The following UBR1 variants were observed in gnomAD, a reference collection of about 807,000 sequenced individuals.
UBR1 encodes E3 ubiquitin-protein ligase UBR1.
A neutral mutation model predicts 242.1 loss-of-function variants in UBR1; 102 were observed. That is an observed-to-expected ratio of 0.42 (90% confidence interval 0.36 to 0.50). The LOEUF is 0.50. Ranked by LOEUF, UBR1 falls within the 20% of genes least tolerant of loss-of-function variation. The pLI, the probability that UBR1 is intolerant of heterozygous loss-of-function variation, is 0.01. For missense variants in UBR1, 1,772 were observed against 2,101.8 expected (o/e 0.84, Z 3.07); for synonymous variants, 675 against 684.8 (o/e 0.99, Z 0.22).
intron 33 of UBR1, among the ~76,000 whole-genome samples, chr15:42,997,566 C>T (rs2032658690): frequency 6.6e-6 from 1 of 152,128 alleles, no homozygotes; most frequent in Non-Finnish European, 1.5e-5. Flanking sequence ...AAGCACATCT[C>T]CATTAATAGC....
intron 2 of UBR1, among the ~76,000 whole-genome samples, chr15:43,084,744 G>A (rs925221774): frequency 6.6e-6 from 1 of 152,114 alleles, no homozygotes; most frequent in Admixed American, 6.5e-5. Context: ...TGACCACAGC[G>A]CCTGGCCAAG....
At chr15:43,007,563 CTT>C (rs66785883) in intron 29 of UBR1, among the ~76,000 whole-genome samples, 4 of 140,446 alleles carry the variant, frequency 2.8e-5, no homozygotes, top group Admixed American at 7.2e-5. Context: ...ATAAGCTGGG[CTT>C]TTTTTTTTTT....
chr15:43,056,352 G>A lies in UBR1; in HGVS notation c.1273C>T (p.Pro425Ser). 6.2e-7 allele frequency: 1 copy of A among 1,607,198 alleles called. No homozygotes were observed. The highest frequency in any genetic ancestry group is 8.5e-7 in the Non-Finnish European group (1 of 1,173,818). Residue 425 changes from proline (P) to serine (S), a missense_variant, in exon 11 of 47, where the codon CCT becomes TCT. By Grantham distance (74) the Pro-to-Ser change is moderately conservative. Coordinates refer to ENST00000290650, the MANE Select transcript of UBR1 (RefSeq NM_174916.3). The part of the protein sequence containing the change: ...TALSVQMFTV[P>S]TLARHLIEEQ... ...GAATAATCAATACATACCAGAGTAG[G>A]AACAGTAAACATCTGAACTGAAAGT... is the stretch of plus-strand genomic sequence containing the variant.
At chr15:43,030,979 G>C (rs2033249998) in intron 20 of UBR1, among the ~76,000 whole-genome samples, 1 of 152,082 alleles carries the variant, frequency 6.6e-6, no homozygotes, top group Non-Finnish European at 1.5e-5. Flanking sequence ...GTATCCCCTA[G>C]AATTTCAGTG....
chr15:43,032,534 T>C lies in UBR1; in HGVS notation c.2254+34A>G, dbSNP rs774255032. On this transcript the variant is annotated intron_variant, in intron 20 of 46. Coordinates refer to ENST00000290650, the MANE Select transcript of UBR1 (RefSeq NM_174916.3). ...AATGGTCTCTCTAAAAAGTAACCCA[T>C]GTTCTATTTCAAAACATTGTGTTTT... The C allele has an allele frequency of 3.5e-6, 5 of 1,426,878 alleles. No individual in the cohort carries two copies. In the East Asian group the frequency reaches 9.2e-5, roughly 26 times the overall value. 88.4% of individuals were successfully genotyped at this position (1,426,878 alleles called of 1,614,324 possible). A position where few individuals can be genotyped will look rare whatever the true frequency, so the allele number is the denominator to read the frequency against.
chr15:43,008,266 G>C (rs2032864138), intron 29 of UBR1, among the ~76,000 whole-genome samples: 1 of 152,252 alleles, frequency 6.6e-6, no homozygotes, highest in African/African-American at 2.4e-5. Context: ...CGTGCTCCCG[G>C]GCACAGCTGC....
intron 30 of UBR1, among the ~76,000 whole-genome samples, chr15:43,006,136 A>G (rs186785910): frequency 6.6e-6 from 1 of 151,682 alleles, no homozygotes; most frequent in East Asian, 1.9e-4. Context: ...AAAAGCACAG[A>G]TTGAGGATTT....
chr15:43,010,818 C>CAAAAAAAAAAAA (rs768275252), intron 29 of UBR1, among the ~76,000 whole-genome samples: 24 of 56,640 alleles, frequency 4.2e-4, no homozygotes, highest in Admixed American at 8.6e-4. Flanking sequence ...ACTAAAAATA[C>CAAAAAAAAAAAA]AAAAAAAAAA....
chr15:43,093,896 T>C (rs2034132006), intron 1 of UBR1, among the ~76,000 whole-genome samples: 1 of 151,108 alleles, frequency 6.6e-6, no homozygotes, highest in African/African-American at 2.4e-5. Flanking sequence ...TATAATTCAC[T>C]CTGCTTTTTC....
chr15:42,947,773 T>G (rs552709494), intron 46 of UBR1, among the ~76,000 whole-genome samples: 2 of 152,176 alleles, frequency 1.3e-5, no homozygotes, highest in South Asian at 4.1e-4. Context: ...CACTGCTCAA[T>G]GAAATAAAAG....
intron 46 of UBR1, among the ~76,000 whole-genome samples, chr15:42,946,361 C>T (rs2031734101): frequency 6.6e-6 from 1 of 152,048 alleles, no homozygotes; most frequent in African/African-American, 2.4e-5. Flanking sequence ...CTCCTGACCT[C>T]GTGATCCGCC....
At chr15:43,042,206 A>G (rs1236779323) in intron 15 of UBR1, among the ~76,000 whole-genome samples, 2 of 152,226 alleles carry the variant, frequency 1.3e-5, no homozygotes, top group Non-Finnish European at 2.9e-5. Flanking sequence ...ACTGAAAGCA[A>G]GGACTTGAAG....
At chr15:43,047,323 T>C (rs767287718) in intron 13 of UBR1, 34 bp from the exon 14 acceptor site, 1 of 1,613,898 alleles carries the variant, frequency 6.2e-7, no homozygotes, top group South Asian at 1.1e-5. Flanking sequence ...TACACCTATC[T>C]GAGCCCTCTC....
At chr15:42,950,141 A>T (rs772776469) in intron 46 of UBR1, 121 bp downstream of exon 46, 34 of 969,618 alleles carry the variant, frequency 3.5e-5, no homozygotes, top group Non-Finnish European at 4.7e-5. Flanking sequence ...GTCTGGCCTC[A>T]ATTACCTTTT....
Position 43,026,556 on chromosome 15 carries a change from T to A in UBR1, c.2535+5A>T. The A allele has an allele frequency of 6.2e-7, 1 of 1,611,572 alleles. No homozygotes were observed. The highest frequency in any genetic ancestry group is 8.5e-7 in the Non-Finnish European group (1 of 1,178,270). On this transcript the variant is annotated splice_donor_5th_base_variant and intron_variant, in intron 23 of 46. Coordinates refer to ENST00000290650, the MANE Select transcript of UBR1 (RefSeq NM_174916.3). ...TTATTTACTGAAAAGGATACTTTTTTCTACCTTGCTATGCTGGGTTTTGGA... is the reference window on the plus strand; with the variant it reads ...TTATTTACTGAAAAGGATACTTTTTACTACCTTGCTATGCTGGGTTTTGGA...
At chr15:43,101,819 T>C (rs902833728) in intron 1 of UBR1, among the ~76,000 whole-genome samples, 3 of 151,576 alleles carry the variant, frequency 2.0e-5, no homozygotes, top group Non-Finnish European at 4.4e-5. Flanking sequence ...AATACAAAAA[T>C]TAACCAGGCG....
chr15:43,095,869 G>A (rs998938794), intron 1 of UBR1, among the ~76,000 whole-genome samples: 2 of 152,232 alleles, frequency 1.3e-5, no homozygotes, highest in Non-Finnish European at 2.9e-5. Context: ...GCACACCTCA[G>A]AGACATTTCG....
intron 1 of UBR1, among the ~76,000 whole-genome samples, chr15:43,089,523 T>A (rs2034082774): frequency 6.6e-6 from 1 of 151,358 alleles, no homozygotes; most frequent in African/African-American, 2.5e-5. Context: ...AAATAAATAA[T>A]AAAAAATGAT....
At chr15:43,045,566 A>G (rs1437026686) in intron 14 of UBR1, among the ~76,000 whole-genome samples, 1 of 152,180 alleles carries the variant, frequency 6.6e-6, no homozygotes, top group Non-Finnish European at 1.5e-5. Flanking sequence ...AGCTTAGGAG[A>G]GTCATCCCTA....
Sources: allele counts gnomAD v4.1 joint callset (sites outside exome capture counted in the v4.1 genomes callset), GRCh38; gene constraint gnomAD v4.1.1; transcripts MANE v1.5; gene names NCBI Gene and HGNC (gene_info 2026-07-23, HGNC 2026-07-21).